UTS2: variants seen among roughly 807,000 people sequenced by gnomAD.
UTS2 encodes the protein urotensin 2.
A neutral mutation model predicts 12.6 loss-of-function variants in UTS2; 10 were observed. The observed-to-expected ratio is 0.80, with a 90% confidence interval of 0.49 to 1.35. The LOEUF (loss-of-function observed/expected upper bound fraction) is 1.35. UTS2 is among the 40% of genes most tolerant of loss of function. UTS2 has a pLI of 0.00. For synonymous variants in UTS2, 52 were observed against 50.0 expected (o/e 1.04, Z -0.17); for missense variants, 142 against 143.2 (o/e 0.99, Z 0.04).
At chr1:7,849,206 T>C (rs2097411197) in intron 3 of UTS2, among the ~76,000 whole-genome samples, 1 of 152,178 alleles carries the variant, frequency 6.6e-6, no homozygotes, top group Admixed American at 6.5e-5. Context: ...GAAATAATGC[T>C]GGCCAATTAT....
the UTS2 span, among the ~76,000 whole-genome samples, chr1:7,870,294 G>A: frequency 1.3e-5 from 2 of 152,206 alleles, no homozygotes; most frequent in African/African-American, 4.8e-5. Context: ...ACGACCGAGT[G>A]AGGACACAGG....
At chr1:7,869,439 A>G in the UTS2 span, among the ~76,000 whole-genome samples, 1 of 152,218 alleles carries the variant, frequency 6.6e-6, no homozygotes. Context: ...GCACGTGGGG[A>G]AAGGGCTGCA....
chr1:7,912,399 A>C, the UTS2 span, among the ~76,000 whole-genome samples: 1 of 152,158 alleles, frequency 6.6e-6, no homozygotes, highest in African/African-American at 2.4e-5. Flanking sequence ...TCATTTGCAT[A>C]AACAGACCTG....
At chr1:7,866,532 T>G in the UTS2 span, among the ~76,000 whole-genome samples, 1 of 152,186 alleles carries the variant, frequency 6.6e-6, no homozygotes, top group Non-Finnish European at 1.5e-5. This position sits in a 1 kb window ranked among gnomAD's most constrained non-coding sequence, Gnocchi z 4.5. Flanking sequence ...ACACCCATCC[T>G]AGGCCCTGCA....
rs940175911 is a variant in UTS2 at position 7,847,702 on chromosome 1, T to A, written c.*64A>T. On this transcript the variant is annotated 3_prime_UTR_variant, in exon 4 of 4. Coordinates refer to ENST00000361696, the MANE Select transcript of UTS2 (RefSeq NM_006786.4). Reference sequence around the variant, plus strand: ...CTCCACACTGTTTTCAAATCAAGCATTGTGTTATTTTTCATATTCTAAGAT... The same window carrying A: ...CTCCACACTGTTTTCAAATCAAGCAATGTGTTATTTTTCATATTCTAAGAT... 8 of 1,257,986 alleles carry A rather than the reference T, an allele frequency of 6.4e-6. No individual in the cohort carries two copies. The highest frequency in any genetic ancestry group is 9.2e-6 in the Non-Finnish European group (8 of 872,174). The allele number at this position is 1,257,986 out of a possible 1,614,324, so 77.9% of individuals were successfully genotyped here.
At chr1:7,899,063 GGCCAAAACAGGAGGAA>G in the UTS2 span, among the ~76,000 whole-genome samples, 1 of 152,100 alleles carries the variant, frequency 6.6e-6, no homozygotes, top group African/African-American at 2.4e-5. Context: ...CATCTTACAT[GGCCAAAACAGGAGGAA>G]GAGAGAGAGG....
the UTS2 span, among the ~76,000 whole-genome samples, chr1:7,906,032 T>A: frequency 2.0e-5 from 3 of 152,130 alleles, no homozygotes; most frequent in African/African-American, 7.2e-5. Flanking sequence ...CAGGTGAGCA[T>A]CTTGTTTTGA....
the UTS2 span, among the ~76,000 whole-genome samples, chr1:7,878,666 C>T: frequency 6.6e-6 from 1 of 151,778 alleles, no homozygotes; most frequent in African/African-American, 2.4e-5. Context: ...GAGTTTGTGT[C>T]CAGCCTGGGC....
chr1:7,903,595 G>A, the UTS2 span, among the ~76,000 whole-genome samples: 1 of 151,834 alleles, frequency 6.6e-6, no homozygotes, highest in African/African-American at 2.4e-5. Flanking sequence ...TCACCATGTC[G>A]GCCAGGCTGG....
At chr1:7,887,202 T>C in the UTS2 span, among the ~76,000 whole-genome samples, 3 of 151,946 alleles carry the variant, frequency 2.0e-5, no homozygotes, top group Non-Finnish European at 4.4e-5. Context: ...GGCTGTTTTG[T>C]ACTGTTATTT....
chr1:7,862,978 TTATTG>T, the UTS2 span, among the ~76,000 whole-genome samples: 31 of 52,190 alleles, frequency 5.9e-4, no homozygotes, highest in South Asian at 4.2e-3. Flanking sequence ...CGGCCGTTAT[TTATTG>T]TGTTGTGTTG....
intron 3 of UTS2, among the ~76,000 whole-genome samples, chr1:7,848,634 A>G (rs2097410374): frequency 6.6e-6 from 1 of 151,688 alleles, no homozygotes; most frequent in Non-Finnish European, 1.5e-5. Flanking sequence ...ATCCTCCTGC[A>G]CCAGCCTCCC....
At chr1:7,904,322 A>T in the UTS2 span, among the ~76,000 whole-genome samples, 12,137 of 150,278 alleles carry the variant, frequency 0.081, 1,495 homozygotes, top group African/African-American at 0.27. Context: ...AAAAAAAAAA[A>T]AATAATAAGC....
the UTS2 span, among the ~76,000 whole-genome samples, chr1:7,898,286 C>T: frequency 3.6e-4 from 54 of 152,088 alleles, no homozygotes; most frequent in Non-Finnish European, 6.5e-4. Context: ...AAAGGAGTAC[C>T]GCAAGCTGTC....
At chr1:7,862,987 TGTG>T in the UTS2 span, among the ~76,000 whole-genome samples, 5 of 28,116 alleles carry the variant, frequency 1.8e-4, no homozygotes, top group East Asian at 1.6e-3. Context: ...TTTATTGTGT[TGTG>T]TTGTATTGTA....
chr1:7,865,792 C>T, the UTS2 span, among the ~76,000 whole-genome samples: 2 of 152,030 alleles, frequency 1.3e-5, no homozygotes, highest in Non-Finnish European at 2.9e-5. Flanking sequence ...AAAAATTAGC[C>T]AGGCTTGGTG....
At chr1:7,862,831 C>T in the UTS2 span, among the ~76,000 whole-genome samples, 18 of 152,282 alleles carry the variant, frequency 1.2e-4, no homozygotes, top group East Asian at 1.9e-4. Context: ...TTCCAAACTA[C>T]AGCGGGACCT....
the UTS2 span, among the ~76,000 whole-genome samples, chr1:7,876,474 G>A: frequency 5.3e-5 from 8 of 152,140 alleles, no homozygotes; most frequent in Non-Finnish European, 8.8e-5. Context: ...CACCAGTACT[G>A]TTATCATCAA....
chr1:7,852,783 TGA>T, intron 1 of UTS2, 116 bp downstream of exon 1: 1 of 1,187,186 alleles, frequency 8.4e-7, no homozygotes. Flanking sequence ...CTGGGACTAT[TGA>T]GAGAACAAGA....
Sources: allele counts gnomAD v4.1 joint callset (sites outside exome capture counted in the v4.1 genomes callset), GRCh38; gene constraint gnomAD v4.1.1; non-coding constraint Gnocchi (gnomAD v3.1); transcripts MANE v1.5; gene names NCBI Gene and HGNC (gene_info 2026-07-23, HGNC 2026-07-21).